DNAH11: variants seen among roughly 807,000 people sequenced by gnomAD.
DNAH11 encodes the protein axonemal beta dynein heavy chain 11.
Under a neutral mutation model 526.0 loss-of-function variants are expected in DNAH11, and 442 were observed. The observed-to-expected ratio is 0.84, with a 90% CI of 0.78 to 0.91. The LOEUF is 0.91. Among genes scored for constraint, DNAH11 ranks in the 40% least tolerant of loss-of-function variants. The pLI is 0.00. For missense variants in DNAH11, 6,989 were observed against 5,448.7 expected (o/e 1.28, Z -8.90); for synonymous variants, 2,461 against 1,935.9 (o/e 1.27, Z -7.12).
chr7:21,627,698 A>C (rs1259427291), intron 25 of DNAH11, among the ~76,000 whole-genome samples: 2 of 152,148 alleles, frequency 1.3e-5, no homozygotes, highest in Non-Finnish European at 2.9e-5. Context: ...GTAAATTTCA[A>C]AGACAGGTAG....
chr7:21,583,884 C>T (rs1784398191), intron 9 of DNAH11, among the ~76,000 whole-genome samples: 1 of 152,052 alleles, frequency 6.6e-6, no homozygotes, highest in Non-Finnish European at 1.5e-5. Context: ...TGACATACCA[C>T]CTCATGCCAG....
At chr7:21,726,792 C>G (rs1378882667) in intron 45 of DNAH11, among the ~76,000 whole-genome samples, 1 of 109,452 alleles carries the variant, frequency 9.1e-6, no homozygotes, top group Non-Finnish European at 1.7e-5. Flanking sequence ...ACCTGGGAGG[C>G]GGAGGTCGCG....
intron 36 of DNAH11, among the ~76,000 whole-genome samples, chr7:21,699,583 G>T (rs977220211): frequency 2.2e-4 from 33 of 152,054 alleles, no homozygotes; most frequent in African/African-American, 8.0e-4. Context: ...GATTTATGTT[G>T]TCCTTTTAGT....
chr7:21,766,099 C>T (rs981890654), intron 55 of DNAH11, among the ~76,000 whole-genome samples: 2 of 152,146 alleles, frequency 1.3e-5, no homozygotes, highest in African/African-American at 2.4e-5. Flanking sequence ...AATAATATAT[C>T]TACTTACTGT....
intron 45 of DNAH11, among the ~76,000 whole-genome samples, chr7:21,735,420 C>G (rs1785559494): frequency 6.6e-6 from 1 of 152,138 alleles, no homozygotes; most frequent in South Asian, 2.1e-4. Flanking sequence ...ATGGCATTAT[C>G]CAATTGCTCT....
At chr7:21,728,224 A>G (rs1785216795) in intron 45 of DNAH11, among the ~76,000 whole-genome samples, 3 of 139,020 alleles carry the variant, frequency 2.2e-5, no homozygotes, top group Middle Eastern at 3.7e-3. Context: ...ACCCATTCCA[A>G]CAGCCCACAA....
chr7:21,831,233 G>C (rs1008101743), intron 65 of DNAH11, among the ~76,000 whole-genome samples: 3 of 152,188 alleles, frequency 2.0e-5, no homozygotes, highest in Non-Finnish European at 4.4e-5. Context: ...GCTACCTTCA[G>C]TGTTCTAGAA....
At chr7:21,860,990 T>C (rs1338569280) in intron 68 of DNAH11, among the ~76,000 whole-genome samples, 2 of 152,140 alleles carry the variant, frequency 1.3e-5, no homozygotes, top group Non-Finnish European at 2.9e-5. Context: ...CATGATTCAG[T>C]TATCTTCCAC....
intron 66 of DNAH11, among the ~76,000 whole-genome samples, chr7:21,844,504 G>A (rs914780171): frequency 6.6e-6 from 1 of 152,142 alleles, no homozygotes; most frequent in South Asian, 2.1e-4. Flanking sequence ...CACTATAATG[G>A]CAGAGTTGAG....
At chr7:21,857,472 C>T (rs926953114) in intron 68 of DNAH11, among the ~76,000 whole-genome samples, 1 of 151,798 alleles carries the variant, frequency 6.6e-6, no homozygotes, top group Admixed American at 6.6e-5. Context: ...AATTGGCAAG[C>T]TTATCCTGAA....
At chr7:21,779,700 T>C (rs1010560713) in intron 57 of DNAH11, among the ~76,000 whole-genome samples, 8 of 152,346 alleles carry the variant, frequency 5.3e-5, no homozygotes, top group African/African-American at 1.9e-4. Flanking sequence ...CACTGTCTTT[T>C]GTCATCTTCT....
Position 21,892,638 on chromosome 7 carries a change from G to A in DNAH11, c.12721G>A (p.Asp4241Asn), listed in dbSNP as rs750364522. ...EMQPRNALSG[D>N]ELGQSTEEKV... Reference sequence around the variant, plus strand: ...GCAGCCCAGGAATGCACTCAGTGGTGATGAACTGGGGCAGTCTACAGAAGA... The same window carrying A: ...GCAGCCCAGGAATGCACTCAGTGGTAATGAACTGGGGCAGTCTACAGAAGA... The change falls in exon 77 of 82, where the codon GAT (aspartate) becomes AAT (asparagine). Residue 4241 changes from aspartate (D) to asparagine (N), a missense_variant. Transcript: ENST00000409508. 6.2e-6 allele frequency: 10 copies of A among 1,610,602 alleles called. No individual in the cohort carries two copies. The highest frequency in any genetic ancestry group is 4.5e-5 in the East Asian group (2 of 44,802).
chr7:21,715,670 G>T (rs1298144000), intron 42 of DNAH11, among the ~76,000 whole-genome samples: 1 of 152,100 alleles, frequency 6.6e-6, no homozygotes, highest in African/African-American at 2.4e-5. Context: ...TGTGGCTTCA[G>T]TGTTTGCTGA....
Position 21,787,551 on chromosome 7 carries a change from G to A in DNAH11, c.9892G>A (p.Ala3298Thr). The A allele has an allele frequency of 6.2e-7, 1 of 1,611,796 alleles. No individual in the cohort carries two copies. The highest frequency in any genetic ancestry group is 8.5e-7 in the Non-Finnish European group (1 of 1,179,166). Residue 3298 changes from alanine (A) to threonine (T), a missense_variant, in exon 60 of 82, where the codon GCC becomes ACC. Ala to Thr is a moderately conservative substitution (Grantham distance 58, BLOSUM62 0). Transcript: ENST00000409508. ...ATCTTTTGCAGCAGCTGGCCTGTGT[G>A]CCTGGGTCATCAACATCATTAAATT... ...TKSFAAAGLC[A>T]WVINIIKFYE...
At chr7:21,631,333 A>G (rs929735375) in intron 25 of DNAH11, among the ~76,000 whole-genome samples, 3 of 152,138 alleles carry the variant, frequency 2.0e-5, no homozygotes, top group African/African-American at 7.2e-5. Flanking sequence ...CTCCCAAATC[A>G]TGTCCTCACA....
chr7:21,871,956 A>C (rs891947110), intron 73 of DNAH11, among the ~76,000 whole-genome samples: 1 of 151,608 alleles, frequency 6.6e-6, no homozygotes, highest in African/African-American at 2.4e-5. Flanking sequence ...CCCCGTCTCT[A>C]CTAAAAATAC....
intron 6 of DNAH11, among the ~76,000 whole-genome samples, chr7:21,568,966 T>C (rs948600407): frequency 2.6e-5 from 4 of 152,214 alleles, no homozygotes; most frequent in African/African-American, 7.2e-5. Flanking sequence ...CTTGCTGTTA[T>C]AGCACCCTCA....
intron 30 of DNAH11, among the ~76,000 whole-genome samples, chr7:21,680,925 A>G (rs931963950): frequency 5.3e-5 from 8 of 152,176 alleles, no homozygotes; most frequent in African/African-American, 1.9e-4. Flanking sequence ...TGGCCTTTCA[A>G]GATTTGTAGT....
At chr7:21,697,324 A>G (rs1400960266) in intron 35 of DNAH11, among the ~76,000 whole-genome samples, 1 of 151,990 alleles carries the variant, frequency 6.6e-6, no homozygotes, top group Non-Finnish European at 1.5e-5. Flanking sequence ...TGTTTTTCTA[A>G]ATGTCCCCTT....
Sources: allele counts gnomAD v4.1 joint callset (sites outside exome capture counted in the v4.1 genomes callset), GRCh38; gene constraint gnomAD v4.1.1; transcripts MANE v1.5; gene names NCBI Gene and HGNC (gene_info 2026-07-23, HGNC 2026-07-21).